ZNF420: variants seen among roughly 807,000 people sequenced by gnomAD.
The protein encoded by ZNF420 is zinc finger protein 420, also known as ATM and p53-associated KZNF protein.
Under a neutral mutation model 44.7 loss-of-function variants are expected in ZNF420, and 31 were observed. That is an observed-to-expected ratio of 0.69 (90% CI 0.52 to 0.94). ZNF420 has a LOEUF of 0.94. Ranked by LOEUF, ZNF420 falls within the 40% of genes least tolerant of loss-of-function variation. ZNF420 has a pLI of 0.00. For synonymous variants in ZNF420, 245 were observed against 267.4 expected (o/e 0.92, Z 0.82); for missense variants, 681 against 827.9 (o/e 0.82, Z 2.18).
intron 4 of ZNF420, among the ~76,000 whole-genome samples, chr19:37,122,684 C>T (rs1205602523): frequency 6.6e-6 from 1 of 152,140 alleles, no homozygotes; most frequent in African/African-American, 2.4e-5. Context: ...TCTCCTTCCT[C>T]AATGGCTATT....
At chr19:37,062,003 G>T in intron 1 of ZNF420, among the ~76,000 whole-genome samples, 1 of 152,166 alleles carries the variant, frequency 6.6e-6, no homozygotes. Context: ...TCATAAAACT[G>T]AGGAACTGAC....
At chr19:37,059,994 G>A (rs1461001748) in intron 1 of ZNF420, among the ~76,000 whole-genome samples, 1 of 152,036 alleles carries the variant, frequency 6.6e-6, no homozygotes, top group African/African-American at 2.4e-5. Context: ...TTGTATGTCC[G>A]CCTGTCGTTG....
intron 4 of ZNF420, chr19:37,109,551 C>T (rs181576063): frequency 6.6e-6 from 1 of 152,354 alleles, no homozygotes; most frequent in Admixed American, 6.5e-5. Flanking sequence ...ATCTATTCTT[C>T]TGACATCACC....
intron 1 of ZNF420, among the ~76,000 whole-genome samples, chr19:37,034,546 C>G (rs2146401518): frequency 6.6e-6 from 1 of 152,264 alleles, no homozygotes; most frequent in African/African-American, 2.4e-5. Context: ...TGGTGTCAGA[C>G]AGCTTTTAGT....
rs193011540 is a variant in ZNF420 at position 37,129,124 on chromosome 19, A to G, written c.*66A>G. ...GTTGTTAGCAGCAAAGAATTCTCAC[A>G]AATGTGAATATGGGCGCACATTTGC... On this transcript the variant is annotated 3_prime_UTR_variant, in exon 5 of 5. Coordinates refer to ENST00000337995, the MANE Select transcript of ZNF420 (RefSeq NM_144689.5). 5.7e-3 allele frequency: 8,744 copies of G among 1,539,956 alleles called. 40 individuals are homozygous for G. Among genetic ancestry groups the G allele is most frequent in the Non-Finnish European group, 7.0e-3 (8,020 of 1,141,486 alleles).
intron 1 of ZNF420, among the ~76,000 whole-genome samples, chr19:37,049,484 T>C (rs1447174420): frequency 6.6e-6 from 1 of 152,264 alleles, no homozygotes; most frequent in African/African-American, 2.4e-5. Context: ...GAGCATTTTT[T>C]CATGTGTCTT....
rs577603218 is a variant in ZNF420 at position 37,033,795 on chromosome 19, C to T, written c.-125+25713C>T. Reference sequence around the variant, plus strand: ...TTTTTGAGACAGAGTCTCACTCTATCGCCCAGGCTGGAGTTCAGTGGCATG... The same window carrying T: ...TTTTTGAGACAGAGTCTCACTCTATTGCCCAGGCTGGAGTTCAGTGGCATG... On this transcript the variant is annotated intron_variant, in intron 1 of 4. Coordinates refer to the ZNF420 transcript ENST00000587029. Among the ~76,000 whole-genome samples the T allele has an allele frequency of 6.1e-3, 925 of 152,276 alleles. 6 individuals are homozygous for T. Among genetic ancestry groups the T allele is most frequent in the Non-Finnish European group, 7.4e-3 (504 of 68,018 alleles).
At chr19:37,093,457 G>A (rs1969268437) in intron 4 of ZNF420, among the ~76,000 whole-genome samples, 1 of 152,010 alleles carries the variant, frequency 6.6e-6, no homozygotes, top group African/African-American at 2.4e-5. Flanking sequence ...TCCTGACCTC[G>A]TGATCCGCCC....
intron 4 of ZNF420, chr19:37,095,925 GTGTT>G (rs966729620): frequency 1.3e-5 from 2 of 152,150 alleles, no homozygotes; most frequent in Non-Finnish European, 2.9e-5. Context: ...AATGCTCTAA[GTGTT>G]TGTTTTTGTC....
At chr19:37,040,101 T>C (rs1967425858) in intron 1 of ZNF420, among the ~76,000 whole-genome samples, 1 of 152,192 alleles carries the variant, frequency 6.6e-6, no homozygotes, top group Non-Finnish European at 1.5e-5. Context: ...TTTCTTCCAA[T>C]AGAAGGCTGT....
In ZNF420 at chr19:37,078,667, G is replaced by T. The variant is rs941538858; in HGVS notation, c.-125+97G>T. ...TCTCCGGTTTTGTGTGCAGGCTACA[G>T]CCTGCCTGGTATTGGCGACTGCCTG... On this transcript the variant is annotated intron_variant, in intron 1 of 4. Coordinates refer to ENST00000337995, the MANE Select transcript of ZNF420 (RefSeq NM_144689.5). 3 of 152,426 alleles carry T rather than the reference G, an allele frequency of 2.0e-5. 1 individual carries two copies. Among genetic ancestry groups the T allele is most frequent in the Non-Finnish European group, 4.4e-5 (3 of 68,128 alleles). The allele number at this position is 152,426 out of a possible 1,614,324, so 9.4% of individuals were successfully genotyped here.
chr19:37,096,298 A>T (rs1172938923), intron 4 of ZNF420, among the ~76,000 whole-genome samples: 1 of 151,178 alleles, frequency 6.6e-6, no homozygotes, highest in Non-Finnish European at 1.5e-5. Context: ...TCCAGCACTT[A>T]TGTGTCATAC....
chr19:37,107,216 A>T (rs1970142660), intron 4 of ZNF420: 1 of 151,954 alleles, frequency 6.6e-6, no homozygotes, highest in Non-Finnish European at 1.5e-5. Flanking sequence ...GTCAGGTCTT[A>T]CCCTTCCCAT....
At chr19:37,037,781 GAGCTATCATGCCC>G (rs1967385537) in intron 1 of ZNF420, among the ~76,000 whole-genome samples, 1 of 152,166 alleles carries the variant, frequency 6.6e-6, no homozygotes, top group Admixed American at 6.5e-5. Context: ...TTACAGACGT[GAGCTATCATGCCC>G]AGCAACATAA....
At chr19:37,049,222 G>A (rs1967596235) in intron 1 of ZNF420, among the ~76,000 whole-genome samples, 1 of 152,114 alleles carries the variant, frequency 6.6e-6, no homozygotes, top group South Asian at 2.1e-4. Context: ...AATGCTTTGG[G>A]TATATACCCA....
chr19:37,089,295 C>T (rs1969001956), intron 3 of ZNF420, among the ~76,000 whole-genome samples, 168 bp downstream of exon 3: 2 of 152,118 alleles, frequency 1.3e-5, no homozygotes, highest in African/African-American at 4.8e-5. Context: ...GTGTGTCTTT[C>T]GAATCTAACC....
At chr19:37,085,938 TA>T (rs58850642) in intron 2 of ZNF420, among the ~76,000 whole-genome samples, 797 of 20,614 alleles carry the variant, frequency 0.039, 12 homozygotes, top group African/African-American at 0.098. Context: ...GCTGATGTTT[TA>T]TTATTATTAT....
intron 1 of ZNF420, among the ~76,000 whole-genome samples, chr19:37,069,790 C>T (rs928220693): frequency 1.3e-5 from 2 of 151,998 alleles, no homozygotes; most frequent in African/African-American, 4.8e-5. Context: ...CTGTAGGATG[C>T]AGCTAAAGTT....
intron 1 of ZNF420, among the ~76,000 whole-genome samples, chr19:37,031,773 A>G (rs1301197269): frequency 7.9e-5 from 12 of 152,048 alleles, no homozygotes; most frequent in Admixed American, 7.9e-4. Context: ...TGTATTTTTT[A>G]TGTGCCTAAA....
Sources: allele counts gnomAD v4.1 joint callset (sites outside exome capture counted in the v4.1 genomes callset), GRCh38; gene constraint gnomAD v4.1.1; transcripts MANE v1.5; gene names NCBI Gene and HGNC (gene_info 2026-07-23, HGNC 2026-07-21).